Variants in SAMMSON observed in about 807,000 individuals in gnomAD.
SAMMSON encodes the protein survival associated mitochondrial melanoma specific oncogenic non-coding RNA, also known as long intergenic non-protein coding RNA 1212.
chr3:70,277,094 C>G (rs997243569), intron 6 of SAMMSON, among the ~76,000 whole-genome samples: 3 of 151,944 alleles, frequency 2.0e-5, no homozygotes, highest in African/African-American at 7.3e-5. Flanking sequence ...TTCAATGAGG[C>G]GTGAGAAACA....
At chr3:70,347,218 T>C (rs544656496) in intron 7 of SAMMSON, among the ~76,000 whole-genome samples, 1 of 152,318 alleles carries the variant, frequency 6.6e-6, no homozygotes, top group South Asian at 2.1e-4. Context: ...AGTACAAAAA[T>C]TCCTTAGTGT....
chr3:70,146,462 C>G (rs1266340462), intron 4 of SAMMSON, among the ~76,000 whole-genome samples: 1 of 151,892 alleles, frequency 6.6e-6, no homozygotes, highest in Non-Finnish European at 1.5e-5. Flanking sequence ...AATTAATACA[C>G]CATGACCAAG....
At chr3:70,240,401 T>C (rs1701655954) in intron 4 of SAMMSON, among the ~76,000 whole-genome samples, 1 of 152,118 alleles carries the variant, frequency 6.6e-6, no homozygotes, top group South Asian at 2.1e-4. Flanking sequence ...TTTTTTGTCT[T>C]TGTTTAGACA....
At chr3:70,227,693 A>G (rs1191650598) in intron 4 of SAMMSON, among the ~76,000 whole-genome samples, 4 of 152,216 alleles carry the variant, frequency 2.6e-5, no homozygotes, top group Non-Finnish European at 4.4e-5. Context: ...TTGAGATGCC[A>G]GATAGTGTTC....
chr3:70,256,649 A>G (rs1011423682), intron 6 of SAMMSON, among the ~76,000 whole-genome samples: 2 of 152,338 alleles, frequency 1.3e-5, no homozygotes, highest in Admixed American at 1.3e-4. Context: ...TCCTCAAGCC[A>G]TGAGATGCGT....
intron 6 of SAMMSON, among the ~76,000 whole-genome samples, chr3:70,258,855 T>A (rs543755406): frequency 1.3e-5 from 2 of 152,282 alleles, no homozygotes; most frequent in East Asian, 3.9e-4. Context: ...GATGACCCTA[T>A]GATTGAATTT....
At chr3:70,376,274 C>G (rs1427749904) in intron 9 of SAMMSON, among the ~76,000 whole-genome samples, 1 of 152,182 alleles carries the variant, frequency 6.6e-6, no homozygotes, top group Non-Finnish European at 1.5e-5. Flanking sequence ...AGCGTTGTCT[C>G]CAGTTCGTCC....
At chr3:70,312,339 T>G (rs1255665633) in intron 7 of SAMMSON, among the ~76,000 whole-genome samples, 4 of 152,150 alleles carry the variant, frequency 2.6e-5, no homozygotes, top group African/African-American at 9.7e-5. Context: ...TGCTGCAAAG[T>G]GGTATGCAAA....
At chr3:70,343,311 C>G (rs989419919) in intron 7 of SAMMSON, among the ~76,000 whole-genome samples, 6 of 151,976 alleles carry the variant, frequency 3.9e-5, no homozygotes, top group Non-Finnish European at 7.4e-5. Context: ...ACTAAAGGTT[C>G]TTTTTCGGTT....
chr3:70,123,342 C>G (rs971423527), intron 4 of SAMMSON, among the ~76,000 whole-genome samples: 6 of 152,242 alleles, frequency 3.9e-5, no homozygotes, highest in Admixed American at 3.9e-4. Context: ...TCTTGGCTCA[C>G]TGCAACCTCT....
chr3:70,367,422 TAAAAC>T (rs1702931048), intron 9 of SAMMSON, among the ~76,000 whole-genome samples: 1 of 151,584 alleles, frequency 6.6e-6, no homozygotes, highest in Non-Finnish European at 1.5e-5. Context: ...AACATCAACT[TAAAAC>T]AAAGAGATCA....
chr3:70,194,760 G>A (rs1194645520), intron 4 of SAMMSON, among the ~76,000 whole-genome samples: 1 of 152,114 alleles, frequency 6.6e-6, no homozygotes, highest in Admixed American at 6.5e-5. Flanking sequence ...AAAGAATAAG[G>A]GAATGATAAT....
intron 4 of SAMMSON, among the ~76,000 whole-genome samples, chr3:70,151,454 G>T (rs2067571702): frequency 6.6e-6 from 1 of 152,012 alleles, no homozygotes. Context: ...GATTTCTGTT[G>T]ATTTACATGT....
At chr3:70,003,414 T>C (rs888383982) in intron 1 of SAMMSON, among the ~76,000 whole-genome samples, 2 of 151,916 alleles carry the variant, frequency 1.3e-5, no homozygotes, top group African/African-American at 4.8e-5. Context: ...TTTTATGTTT[T>C]TGGATAAATT....
intron 2 of SAMMSON, among the ~76,000 whole-genome samples, chr3:70,417,640 C>T (rs1350757842): frequency 6.6e-6 from 1 of 152,146 alleles, no homozygotes; most frequent in African/African-American, 2.4e-5. Flanking sequence ...TCTTTCTCTA[C>T]TACTTTCTCT....
chr3:70,391,494 T>G (rs569490136), downstream of SAMMSON, among the ~76,000 whole-genome samples: 3 of 152,248 alleles, frequency 2.0e-5, no homozygotes, highest in South Asian at 6.2e-4. Context: ...GGTCTCTTTC[T>G]CGGTACTTGT....
At chr3:70,190,627 C>G (rs1239439257) in intron 4 of SAMMSON, among the ~76,000 whole-genome samples, 3 of 152,126 alleles carry the variant, frequency 2.0e-5, no homozygotes, top group Non-Finnish European at 4.4e-5. Context: ...CACACAGATA[C>G]TTTTATTCAC....
chr3:70,386,671 T>C (rs891111977), intron 9 of SAMMSON, among the ~76,000 whole-genome samples: 1 of 152,034 alleles, frequency 6.6e-6, no homozygotes, highest in Non-Finnish European at 1.5e-5. Context: ...GAAGCAGCAA[T>C]GGTTATTAAT....
chr3:70,128,135 C>T (rs1480295206), intron 4 of SAMMSON, among the ~76,000 whole-genome samples: 4 of 152,198 alleles, frequency 2.6e-5, no homozygotes, highest in Non-Finnish European at 5.9e-5. Flanking sequence ...CATCCCTCTT[C>T]CTGTTCCCAG....
Sources: allele counts gnomAD v4.1 joint callset (sites outside exome capture counted in the v4.1 genomes callset), GRCh38; gene constraint gnomAD v4.1.1; transcripts MANE v1.5; gene names NCBI Gene and HGNC (gene_info 2026-07-23, HGNC 2026-07-21).